The following ADGRG6 variants were observed in gnomAD, a reference collection of about 807,000 sequenced individuals.
ADGRG6 encodes the protein adhesion G protein-coupled receptor G6, also known as G-protein coupled receptor 126.
A neutral mutation model predicts 142.4 loss-of-function variants in ADGRG6; 84 were observed. That is an observed-to-expected ratio of 0.59 (90% CI 0.49 to 0.71). ADGRG6 has a LOEUF of 0.71. ADGRG6 is among the 30% of genes least tolerant of loss of function. The pLI is 0.00. For synonymous variants in ADGRG6, 521 were observed against 520.5 expected (o/e 1.00, Z -0.01); for missense variants, 1,367 against 1,466.6 (o/e 0.93, Z 1.11).
intron 9 of ADGRG6, among the ~76,000 whole-genome samples, chr6:142,395,835 A>T (rs957464309): frequency 6.6e-6 from 1 of 152,154 alleles, no homozygotes; most frequent in Non-Finnish European, 1.5e-5. Flanking sequence ...TTGTTTTTTA[A>T]AAAAACTTTT....
chr6:142,397,431 T>C (rs911740678), intron 9 of ADGRG6, among the ~76,000 whole-genome samples, 182 bp from the exon 10 acceptor site: 33 of 152,160 alleles, frequency 2.2e-4, no homozygotes, highest in Non-Finnish European at 8.8e-5. Context: ...TCTATTAATA[T>C]TGGAATATTT....
intron 23 of ADGRG6, among the ~76,000 whole-genome samples, 200 bp downstream of exon 23, chr6:142,437,735 G>A (rs1225367796): frequency 3.3e-5 from 5 of 151,972 alleles, no homozygotes; most frequent in Non-Finnish European, 7.4e-5. Flanking sequence ...ATTCTGCAGA[G>A]GAGAAGCATG....
chr6:142,345,285 A>G (rs1562326634), intron 2 of ADGRG6, among the ~76,000 whole-genome samples: 1 of 152,118 alleles, frequency 6.6e-6, no homozygotes, highest in Non-Finnish European at 1.5e-5. Flanking sequence ...CTAGGGGAAA[A>G]GTATAAGTAA....
At chr6:142,352,661 A>G (rs1261039801) in intron 2 of ADGRG6, among the ~76,000 whole-genome samples, 1 of 152,206 alleles carries the variant, frequency 6.6e-6, no homozygotes, top group Non-Finnish European at 1.5e-5. Flanking sequence ...TTGTATAAGT[A>G]CATATGTTGG....
At chr6:142,351,677 G>C (rs917259327) in intron 2 of ADGRG6, among the ~76,000 whole-genome samples, 2 of 152,120 alleles carry the variant, frequency 1.3e-5, no homozygotes, top group African/African-American at 4.8e-5. Context: ...AAAAACAACT[G>C]TAGTGAAAAC....
At chr6:142,326,544 T>C (rs1159332431) in intron 2 of ADGRG6, among the ~76,000 whole-genome samples, 2 of 151,758 alleles carry the variant, frequency 1.3e-5, no homozygotes, top group Non-Finnish European at 2.9e-5. Flanking sequence ...TGGTCTTGAA[T>C]ATGGTTCAAG....
chr6:142,367,040 A>AT (rs1016735244), intron 2 of ADGRG6, among the ~76,000 whole-genome samples: 1 of 152,138 alleles, frequency 6.6e-6, no homozygotes, highest in African/African-American at 2.4e-5. Context: ...ATAGCTCATT[A>AT]TTTTTTTGTA....
chr6:142,363,903 G>A (rs559143556), intron 2 of ADGRG6, among the ~76,000 whole-genome samples: 52 of 152,062 alleles, frequency 3.4e-4, no homozygotes, highest in Middle Eastern at 3.4e-3. Context: ...GTTTATTTTA[G>A]GGCTATGAAA....
chr6:142,340,296 C>T (rs1385308845), intron 2 of ADGRG6, among the ~76,000 whole-genome samples: 1 of 152,086 alleles, frequency 6.6e-6, no homozygotes, highest in Non-Finnish European at 1.5e-5. Flanking sequence ...GCAATTTTTA[C>T]ATTACCAAAT....
intron 2 of ADGRG6, among the ~76,000 whole-genome samples, chr6:142,313,336 CATGACTCTG>C (rs2114536081): frequency 6.6e-6 from 1 of 152,046 alleles, no homozygotes; most frequent in Admixed American, 6.6e-5. Flanking sequence ...CCTAACACTC[CATGACTCTG>C]AAGATGAATG....
rs5880531 is a variant in ADGRG6, at chr6:142,305,429, TACACACACAC to T, written c.2+3130_2+3139del. On this transcript the variant is annotated intron_variant, in intron 1 of 24. Transcript: ENST00000367609. ...TGCCCCCCCCCACGAGCCCCTCCTG[TACACACACAC>T]ACACACACACACACACACACACACA... is the stretch of plus-strand genomic sequence containing the variant. Among the ~76,000 whole-genome samples, 493 of 120,854 alleles carry T rather than the reference TACACACACAC, an allele frequency of 4.1e-3. 6 individuals are homozygous for T. The highest frequency in any genetic ancestry group is 0.015 in the African/African-American group (436 of 28,602). 79.3% of individuals were successfully genotyped at this position (120,854 alleles called of 152,430 possible).
chr6:142,397,579 A>G (rs1431138522), intron 9 of ADGRG6, 34 bp from the exon 10 acceptor site: 1 of 1,592,718 alleles, frequency 6.3e-7, no homozygotes, highest in Non-Finnish European at 8.5e-7. Context: ...ACCAATGAAC[A>G]ACAACAACAG....
intron 4 of ADGRG6, among the ~76,000 whole-genome samples, chr6:142,376,546 GT>G (rs1009939957): frequency 6.6e-6 from 1 of 151,848 alleles, no homozygotes; most frequent in African/African-American, 2.4e-5. Context: ...GATTTTTACC[GT>G]TTCATAATCA....
At chr6:142,354,593 G>A (rs916697404) in intron 2 of ADGRG6, among the ~76,000 whole-genome samples, 2 of 152,074 alleles carry the variant, frequency 1.3e-5, no homozygotes, top group Admixed American at 1.3e-4. Flanking sequence ...TAGTAATCAA[G>A]GAAGTTCATC....
chr6:142,305,411 C>A (rs1777440718), intron 1 of ADGRG6, among the ~76,000 whole-genome samples: 1 of 146,754 alleles, frequency 6.8e-6, no homozygotes, highest in African/African-American at 2.6e-5. Flanking sequence ...TCCTGCCCCC[C>A]CCCACGAGCC....
At chr6:142,319,320 A>G (rs1026012931) in intron 2 of ADGRG6, among the ~76,000 whole-genome samples, 5 of 152,120 alleles carry the variant, frequency 3.3e-5, no homozygotes, top group Non-Finnish European at 7.4e-5. Flanking sequence ...TTTCATCTCC[A>G]CTGGGTATAT....
At chr6:142,317,745 T>A (rs1385557947) in intron 2 of ADGRG6, among the ~76,000 whole-genome samples, 2 of 109,334 alleles carry the variant, frequency 1.8e-5, no homozygotes. Flanking sequence ...ATTTATATAA[T>A]ATATATTTAT....
intron 2 of ADGRG6, among the ~76,000 whole-genome samples, chr6:142,343,850 G>A (rs1779773216): frequency 6.6e-6 from 1 of 151,824 alleles, no homozygotes; most frequent in Non-Finnish European, 1.5e-5. Context: ...TCAAAAGTGG[G>A]CATTCCTCAA....
Position 142,367,637 on chromosome 6 carries a change from C to T in ADGRG6, c.172C>T (p.Pro58Ser). 1 of 1,613,774 alleles carries T rather than the reference C, an allele frequency of 6.2e-7. No homozygotes were observed. The highest frequency in any genetic ancestry group is 1.1e-5 in the South Asian group (1 of 91,072). ...PSGTFTSPCY[P>S]NDYPNSQACM... ...TGGGACCTTTACTTCTCCATGCTAC[C>T]CTAACGACTACCCAAACAGCCAGGC... Residue 58 changes from proline to serine, a missense_variant, in exon 3 of 25, where the codon CCT (proline) becomes TCT (serine). Pro to Ser is a moderately conservative substitution (Grantham distance 74, BLOSUM62 -1). Coordinates refer to ENST00000367609, the MANE Select transcript of ADGRG6 (RefSeq NM_198569.3).
Sources: gnomAD v4.1 joint callset for allele counts (sites outside exome capture counted in the v4.1 genomes callset) on GRCh38, gnomAD v4.1.1 for gene constraint, MANE v1.5 for transcripts, NCBI Gene and HGNC (gene_info 2026-07-23, HGNC 2026-07-21) for gene names.